ASTN2: variants seen among roughly 807,000 people sequenced by gnomAD.
ASTN2 encodes the protein astrotactin-2.
In ASTN2, 54 loss-of-function variants were observed where a neutral mutation model predicts 139.8. The observed-to-expected ratio is 0.39, with a 90% confidence interval of 0.31 to 0.48. ASTN2 has a LOEUF of 0.48. ASTN2 is among the 20% of genes least tolerant of loss of function. The pLI is 0.95. For missense variants in ASTN2, 1,565 were observed against 1,725.1 expected (o/e 0.91, Z 1.64); for synonymous variants, 756 against 719.5 (o/e 1.05, Z -0.81).
At chr9:117,381,040 A>G (rs1830257238) in intron 1 of ASTN2, among the ~76,000 whole-genome samples, 1 of 152,234 alleles carries the variant, frequency 6.6e-6, no homozygotes, top group Admixed American at 6.5e-5. Flanking sequence ...AATAAAATGT[A>G]GTCTATCCAT....
chr9:116,959,117 G>T (rs558426643), intron 10 of ASTN2, among the ~76,000 whole-genome samples: 1 of 152,310 alleles, frequency 6.6e-6, no homozygotes, highest in East Asian at 1.9e-4. Flanking sequence ...ACTGTGTGGA[G>T]AGGGTGAGTG....
intron 3 of ASTN2, among the ~76,000 whole-genome samples, chr9:117,159,056 C>G (rs73657680): frequency 5.7e-4 from 87 of 152,038 alleles, no homozygotes; most frequent in African/African-American, 2.0e-3. Context: ...GCAAACGAAC[C>G]ATTTATGGGA....
chr9:117,051,414 G>A (rs757946908), intron 5 of ASTN2, among the ~76,000 whole-genome samples: 21 of 152,116 alleles, frequency 1.4e-4, no homozygotes, highest in Non-Finnish European at 2.9e-4. Context: ...GGCAAACCAG[G>A]ATTCAAATCC....
intron 4 of ASTN2, among the ~76,000 whole-genome samples, chr9:117,140,512 G>A (rs1016468709): frequency 2.6e-5 from 4 of 151,926 alleles, no homozygotes; most frequent in African/African-American, 4.8e-5. Flanking sequence ...CATATACGAA[G>A]TCACATAGAT....
intron 12 of ASTN2, among the ~76,000 whole-genome samples, chr9:116,808,410 T>A (rs1394829607): frequency 1.3e-5 from 2 of 152,156 alleles, no homozygotes; most frequent in Admixed American, 6.6e-5. Context: ...AATAAACTCA[T>A]AAGCAGAATT....
At chr9:116,731,086 G>T (rs137906588) in intron 14 of ASTN2, among the ~76,000 whole-genome samples, 1 of 151,648 alleles carries the variant, frequency 6.6e-6, no homozygotes, top group Non-Finnish European at 1.5e-5. Context: ...TTACTCTATC[G>T]CTGACTCTCA....
chr9:117,168,325 G>A (rs191540769), intron 3 of ASTN2, among the ~76,000 whole-genome samples: 2 of 152,260 alleles, frequency 1.3e-5, no homozygotes, highest in East Asian at 3.9e-4. Flanking sequence ...GGAATAAAAT[G>A]TACTTTATCA....
intron 16 of ASTN2, among the ~76,000 whole-genome samples, chr9:116,658,701 C>A (rs1858371673): frequency 7.0e-6 from 1 of 143,456 alleles, no homozygotes; most frequent in Non-Finnish European, 1.5e-5. Context: ...AATTCTGGAG[C>A]AAGTATGACC....
chr9:117,409,165 C>A (rs1327791070), intron 1 of ASTN2, among the ~76,000 whole-genome samples: 1 of 152,120 alleles, frequency 6.6e-6, no homozygotes, highest in Non-Finnish European at 1.5e-5. Flanking sequence ...CTTGCTTCTC[C>A]ATCCCAGAAT....
chr9:116,694,459 C>CTCTT lies in ASTN2; in HGVS notation c.2806+31311_2806+31312insAAGA, dbSNP rs757439739. Among the ~76,000 whole-genome samples, 4 of 88,044 alleles carry CTCTT rather than the reference C, an allele frequency of 4.5e-5. No individual in the cohort carries two copies. In the East Asian group the frequency reaches 1.1e-3, roughly 25 times the overall value. The allele number at this position is 88,044 out of a possible 152,430, so 57.8% of individuals were successfully genotyped here. A position where few individuals can be genotyped will look rare whatever the true frequency, so the allele number is the denominator to read the frequency against. On this transcript the variant is annotated intron_variant, in intron 16 of 22. Transcript: ENST00000313400. ...GCATGGATCCTGAGTTGTAATTTCTCTTTTTTTTTTTTTTTTTTTTGAGAT... is the reference window on the plus strand; with the variant it reads ...GCATGGATCCTGAGTTGTAATTTCTCTCTTTTTTTTTTTTTTTTTTTTTTGAGAT...
At chr9:117,268,886 T>G (rs1172918038) in intron 2 of ASTN2, among the ~76,000 whole-genome samples, 1 of 152,146 alleles carries the variant, frequency 6.6e-6, no homozygotes, top group East Asian at 1.9e-4. Flanking sequence ...ACAAAAAACT[T>G]GACACATGCT....
At position 116,967,592 on chromosome 9, in the gene ASTN2, T is replaced by C. The variant is rs183902351; in HGVS notation, c.1889+7616A>G. ...GTTGCCTACAATGTGTGCACACATA[T>C]GCACACATAACACGCATGCACTCAT... On this transcript the variant is annotated intron_variant, in intron 10 of 22. Transcript: ENST00000313400. Among the ~76,000 whole-genome samples, 322 of 152,324 alleles carry C rather than the reference T, an allele frequency of 2.1e-3. 5 individuals carry two copies. Among genetic ancestry groups the C allele is most frequent in the Non-Finnish European group, 9.0e-4 (61 of 68,032 alleles).
chr9:116,619,099 T>C (rs1855997398), intron 18 of ASTN2, among the ~76,000 whole-genome samples: 1 of 152,114 alleles, frequency 6.6e-6, no homozygotes, highest in Non-Finnish European at 1.5e-5. Flanking sequence ...AGGACCATGA[T>C]GGTGATTTTG....
intron 20 of ASTN2, among the ~76,000 whole-genome samples, chr9:116,476,866 G>T (rs1166277376): frequency 6.6e-6 from 1 of 152,128 alleles, no homozygotes; most frequent in Non-Finnish European, 1.5e-5. Flanking sequence ...CATGGTCAGG[G>T]TTGTCACCAC....
At chr9:116,685,672 A>C (rs926396661) in intron 16 of ASTN2, among the ~76,000 whole-genome samples, 2 of 152,220 alleles carry the variant, frequency 1.3e-5, no homozygotes, top group Non-Finnish European at 2.9e-5. Context: ...CATTTCCTAG[A>C]ATGCTTATTC....
chr9:116,714,549 A>T lies in ASTN2; in HGVS notation c.2806+11222T>A, dbSNP rs143748535. ...CAATTCATTTAAATCTCATAACAATACTGCAAGATAAGCATAATTATACCC... is the reference window on the plus strand; with the variant it reads ...CAATTCATTTAAATCTCATAACAATTCTGCAAGATAAGCATAATTATACCC... On this transcript the variant is annotated intron_variant, in intron 16 of 22. Coordinates refer to ENST00000313400, the MANE Select transcript of ASTN2 (RefSeq NM_001365068.1). Among the ~76,000 whole-genome samples the T allele has an allele frequency of 1.1e-3, 166 of 152,330 alleles. 1 individual carries two copies. The East Asian group carries it at 0.03, about 27-fold the overall frequency.
chr9:117,067,683 T>C (rs1827993717), intron 5 of ASTN2, among the ~76,000 whole-genome samples: 3 of 131,520 alleles, frequency 2.3e-5, no homozygotes, highest in Admixed American at 1.5e-4. Context: ...TTTATTTCCT[T>C]GAGCAGTGGT....
intron 10 of ASTN2, among the ~76,000 whole-genome samples, chr9:116,870,887 ATCATTCTC>A (rs1196581784): frequency 1.3e-4 from 20 of 152,206 alleles, no homozygotes; most frequent in African/African-American, 4.8e-4. Flanking sequence ...ATGCAGATTA[ATCATTCTC>A]TGGTAATAGC....
At chr9:117,322,473 T>C (rs1828361647) in intron 1 of ASTN2, among the ~76,000 whole-genome samples, 1 of 152,164 alleles carries the variant, frequency 6.6e-6, no homozygotes, top group Non-Finnish European at 1.5e-5. Context: ...TAGGGAGTAA[T>C]TCGTTCCCAG....
Sources: allele counts gnomAD v4.1 joint callset (sites outside exome capture counted in the v4.1 genomes callset), GRCh38; gene constraint gnomAD v4.1.1; transcripts MANE v1.5; gene names NCBI Gene and HGNC (gene_info 2026-07-23, HGNC 2026-07-21).